CMPK1: variants seen among roughly 807,000 people sequenced by gnomAD.
CMPK1 encodes cytidine/uridine monophosphate kinase 1.
CMPK1 carries 10 observed loss-of-function variants against 25.7 expected under a neutral mutation model. That is an observed-to-expected ratio of 0.39 (90% CI 0.24 to 0.66). The LOEUF (loss-of-function observed/expected upper bound fraction) is 0.66. CMPK1 is among the 30% of genes least tolerant of loss of function. CMPK1 has a pLI of 0.48. For synonymous variants in CMPK1, 106 were observed against 101.5 expected (o/e 1.04, Z -0.27); for missense variants, 199 against 280.5 (o/e 0.71, Z 2.08).
chr1:47,341,247 A>G (rs1311033566), intron 1 of CMPK1, among the ~76,000 whole-genome samples: 1 of 152,250 alleles, frequency 6.6e-6, no homozygotes, highest in Non-Finnish European at 1.5e-5. Flanking sequence ...CTTGTGAACA[A>G]AAATGCAAAT....
chr1:47,339,047 C>CT (rs397965092), intron 1 of CMPK1, among the ~76,000 whole-genome samples: 36,043 of 142,832 alleles, frequency 0.25, 5,909 homozygotes, highest in East Asian at 0.52. Flanking sequence ...ACCCAGAAAA[C>CT]TTTTTTTTTT....
At chr1:47,356,999 T>C (rs1191759493) in intron 1 of CMPK1, among the ~76,000 whole-genome samples, 2 of 141,812 alleles carry the variant, frequency 1.4e-5, no homozygotes, top group Non-Finnish European at 3.0e-5. Context: ...AGTCTTGCCC[T>C]GTCGCCCAGG....
In CMPK1 at chr1:47,376,836, C is replaced by A; in HGVS notation, c.*91C>A. Reference sequence around the variant, plus strand: ...CCTTTTTAAGGCAATTCTAATCTTTCATAACTACATCTCAATTAGTGGCTG... The same window carrying A: ...CCTTTTTAAGGCAATTCTAATCTTTAATAACTACATCTCAATTAGTGGCTG... On this transcript the variant is annotated 3_prime_UTR_variant, in exon 6 of 6. Coordinates refer to ENST00000371873, the MANE Select transcript of CMPK1 (RefSeq NM_016308.3). The A allele has an allele frequency of 1.4e-6, 1 of 694,164 alleles. No individual in the cohort carries two copies. The highest frequency in any genetic ancestry group is 1.8e-5 in the South Asian group (1 of 54,820). The allele number at this position is 694,164 out of a possible 1,614,324, so 43.0% of individuals were successfully genotyped here.
intron 1 of CMPK1, among the ~76,000 whole-genome samples, chr1:47,351,803 GTTTT>G (rs1019997887): frequency 6.6e-6 from 1 of 151,488 alleles, no homozygotes; most frequent in Non-Finnish European, 1.5e-5. Context: ...GGTGTGAAGG[GTTTT>G]TTGTTTTTTT....
intron 2 of CMPK1, among the ~76,000 whole-genome samples, chr1:47,372,049 A>T (rs1435070897): frequency 6.6e-6 from 1 of 150,940 alleles, no homozygotes; most frequent in African/African-American, 2.4e-5. Flanking sequence ...CTCTTCTGTT[A>T]GTCTCTTCTC....
At chr1:47,337,494 A>G (rs7549484) in intron 1 of CMPK1, among the ~76,000 whole-genome samples, 124 of 152,338 alleles carry the variant, frequency 8.1e-4, no homozygotes, top group African/African-American at 2.7e-3. Context: ...TCTTTAATGA[A>G]AAGTATTCTC....
At chr1:47,349,468 T>C (rs1646506969) in intron 1 of CMPK1, among the ~76,000 whole-genome samples, 1 of 152,224 alleles carries the variant, frequency 6.6e-6, no homozygotes, top group Admixed American at 6.6e-5. Context: ...CTGTGTTAGA[T>C]AGCATATAAC....
intron 1 of CMPK1, among the ~76,000 whole-genome samples, chr1:47,365,848 T>A (rs971659291): frequency 6.6e-6 from 1 of 152,156 alleles, no homozygotes; most frequent in African/African-American, 2.4e-5. Flanking sequence ...TCAGTTAAAA[T>A]TTTAGGCACT....
chr1:47,368,452 A>C lies in CMPK1; in HGVS notation c.172-17A>C. On this transcript the variant is annotated splice_polypyrimidine_tract_variant and intron_variant, in intron 1 of 5. Coordinates refer to ENST00000371873, the MANE Select transcript of CMPK1 (RefSeq NM_016308.3). ...TTGAATGAATTCTGATATTTTTCCT[A>C]TGTGTGCTTCTTTCAGAAATATGGC... 2 of 1,580,306 alleles carry C rather than the reference A, an allele frequency of 1.3e-6. No homozygotes were observed. Among genetic ancestry groups the C allele is most frequent in the Non-Finnish European group, 8.6e-7 (1 of 1,164,558 alleles).
At chr1:47,341,771 T>G (rs938594613) in intron 1 of CMPK1, among the ~76,000 whole-genome samples, 2 of 151,730 alleles carry the variant, frequency 1.3e-5, no homozygotes, top group African/African-American at 4.8e-5. Context: ...CCCGAGTAGC[T>G]GGGATTACGC....
At chr1:47,368,731 A>G in intron 2 of CMPK1, 116 bp downstream of exon 2, 1 of 943,838 alleles carries the variant, frequency 1.1e-6, no homozygotes, top group South Asian at 2.6e-5. Flanking sequence ...AAGCCAAAGC[A>G]AGAGGATCAC....
chr1:47,348,022 A>T (rs1289100828), intron 1 of CMPK1, among the ~76,000 whole-genome samples: 1 of 152,152 alleles, frequency 6.6e-6, no homozygotes, highest in African/African-American at 2.4e-5. Context: ...AACCCAGGGC[A>T]CTATTGTGAA....
chr1:47,349,861 A>C (rs1646510594), intron 1 of CMPK1, among the ~76,000 whole-genome samples: 1 of 152,178 alleles, frequency 6.6e-6, no homozygotes, highest in African/African-American at 2.4e-5. Context: ...GCTGGAGTGC[A>C]GTGGCGCAAT....
At chr1:47,342,334 G>A (rs890636023) in intron 1 of CMPK1, among the ~76,000 whole-genome samples, 14 of 151,184 alleles carry the variant, frequency 9.3e-5, no homozygotes, top group African/African-American at 3.2e-4. Flanking sequence ...TGCCCGCCTC[G>A]GCCTCCCAAT....
At chr1:47,369,983 C>T (rs1451051482) in intron 2 of CMPK1, among the ~76,000 whole-genome samples, 5 of 142,320 alleles carry the variant, frequency 3.5e-5, no homozygotes, top group South Asian at 2.3e-4. Context: ...GGCGTGAACT[C>T]GGCTCACTGC....
intron 1 of CMPK1, among the ~76,000 whole-genome samples, chr1:47,351,934 A>G (rs1379958645): frequency 6.6e-6 from 1 of 151,892 alleles, no homozygotes; most frequent in Non-Finnish European, 1.5e-5. Context: ...TCAGGAGTTG[A>G]TGACCAGCCT....
intron 1 of CMPK1, among the ~76,000 whole-genome samples, chr1:47,352,377 T>C (rs1646528909): frequency 6.6e-6 from 1 of 152,146 alleles, no homozygotes. Context: ...TCCAGTATGC[T>C]TTCTATTGCC....
intron 1 of CMPK1, among the ~76,000 whole-genome samples, chr1:47,355,301 C>A (rs1646551918): frequency 6.7e-6 from 1 of 150,348 alleles, no homozygotes; most frequent in African/African-American, 2.4e-5. Flanking sequence ...CTGCCTTGGC[C>A]TCCCAAAGTG....
intron 1 of CMPK1, among the ~76,000 whole-genome samples, chr1:47,340,428 C>G (rs1006798952): frequency 1.3e-5 from 2 of 152,038 alleles, no homozygotes; most frequent in Non-Finnish European, 2.9e-5. Flanking sequence ...AGCCAGCGTA[C>G]CCAGCCTGTC....
Sources: gnomAD v4.1 joint callset for allele counts (sites outside exome capture counted in the v4.1 genomes callset) on GRCh38, gnomAD v4.1.1 for gene constraint, MANE v1.5 for transcripts, NCBI Gene and HGNC (gene_info 2026-07-23, HGNC 2026-07-21) for gene names.